THOC5: variants seen among roughly 807,000 people sequenced by gnomAD.
THOC5 encodes Fms-interacting protein.
A neutral mutation model predicts 92.9 loss-of-function variants in THOC5; 43 were observed. The observed-to-expected ratio is 0.46, with a 90% CI of 0.36 to 0.60. The LOEUF is 0.60. Among genes scored for constraint, THOC5 ranks in the 20% least tolerant of loss-of-function variants. The probability of loss-of-function intolerance (pLI) is 0.00; values close to 1 mark genes in which losing one functional copy is unlikely to be tolerated. For synonymous variants in THOC5, 296 were observed against 320.1 expected, an observed-to-expected ratio of 0.92 and a Z score of 0.80; for missense variants, 659 against 849.4, an observed-to-expected ratio of 0.78 and a Z score of 2.79.
Position 29,508,297 on chromosome 22 carries a change from C to A in THOC5, c.*160G>T. The A allele has an allele frequency of 1.4e-6, 1 of 715,716 alleles. No individual in the cohort carries two copies. 44.3% of individuals were successfully genotyped at this position (715,716 alleles called of 1,614,324 possible). Reference sequence around the variant, plus strand: ...CCTGCCCTTCCAGACTGCAAAGCCACCTTGCCAGGAACCACAGACAAAGGC... The same window carrying A: ...CCTGCCCTTCCAGACTGCAAAGCCAACTTGCCAGGAACCACAGACAAAGGC... On this transcript the variant is annotated 3_prime_UTR_variant, in exon 20 of 20. Coordinates refer to ENST00000490103, the MANE Select transcript of THOC5 (RefSeq NM_003678.5).
intron 2 of THOC5, among the ~76,000 whole-genome samples, chr22:29,546,493 G>A (rs1193620092): frequency 1.3e-5 from 2 of 151,806 alleles, no homozygotes; most frequent in African/African-American, 4.8e-5. Flanking sequence ...GCAGTGGCAT[G>A]ATCTCAGTTC....
At chr22:29,532,068 G>T in intron 7 of THOC5, 105 bp from the exon 8 acceptor site, 2 of 1,380,820 alleles carry the variant, frequency 1.4e-6, no homozygotes, top group Non-Finnish European at 2.0e-6. Flanking sequence ...AGTGATACAT[G>T]ATAAACTAAT....
At chr22:29,551,879 C>T (rs1392286441) in intron 1 of THOC5, among the ~76,000 whole-genome samples, 2 of 150,888 alleles carry the variant, frequency 1.3e-5, no homozygotes, top group African/African-American at 4.9e-5. Context: ...TCACTGGAAC[C>T]TCTCTGCCTG....
chr22:29,537,617 C>G (rs181121837), intron 6 of THOC5, among the ~76,000 whole-genome samples: 84 of 152,038 alleles, frequency 5.5e-4, no homozygotes, highest in Non-Finnish European at 9.6e-4. Context: ...ATTGGCCGGG[C>G]ACAGTGGCTC....
intron 17 of THOC5, among the ~76,000 whole-genome samples, chr22:29,514,867 G>A (rs1018418268): frequency 2.6e-5 from 4 of 151,280 alleles, no homozygotes; most frequent in South Asian, 2.1e-4. Context: ...CACCAACCCC[G>A]GCTAACTTTT....
intron 8 of THOC5, among the ~76,000 whole-genome samples, chr22:29,529,673 AC>A (rs1489147684): frequency 6.6e-6 from 1 of 152,246 alleles, no homozygotes; most frequent in Non-Finnish European, 1.5e-5. Flanking sequence ...TATACCAAGC[AC>A]ATGGCTGCCA....
chr22:29,528,960 T>C, intron 9 of THOC5: 2 of 587,380 alleles, frequency 3.4e-6, no homozygotes, highest in Non-Finnish European at 6.0e-6. Context: ...AGTCAGCTAG[T>C]GAGTGGCAGG....
At chr22:29,519,973 C>T (rs377266102) in intron 14 of THOC5, 35 bp downstream of exon 14, 2 of 1,561,872 alleles carry the variant, frequency 1.3e-6, no homozygotes, top group South Asian at 1.1e-5. Context: ...AAGAGGTAAG[C>T]TCCTCAGCCA....
At chr22:29,528,772 A>T (rs1056433897) in intron 9 of THOC5, among the ~76,000 whole-genome samples, 1 of 152,162 alleles carries the variant, frequency 6.6e-6, no homozygotes, top group Non-Finnish European at 1.5e-5. Flanking sequence ...ACAAATAATA[A>T]TAATAGTAGT....
At chr22:29,527,616 G>C (rs2063569434) in intron 11 of THOC5, among the ~76,000 whole-genome samples, 3 of 152,184 alleles carry the variant, frequency 2.0e-5, no homozygotes, top group Admixed American at 2.0e-4. Context: ...CCTAGGACTG[G>C]TATATAGGAA....
chr22:29,526,357 C>T (rs2146489562), intron 11 of THOC5, among the ~76,000 whole-genome samples: 1 of 151,974 alleles, frequency 6.6e-6, no homozygotes, highest in South Asian at 2.1e-4. Flanking sequence ...ACAGTGAAAC[C>T]CCGTCTCTAC....
Position 29,511,141 on chromosome 22 carries a change from T to C in THOC5, c.1953A>G (p.Glu651=), listed in dbSNP as rs1357378635. ...GCAGACACATCTTCTCCTGGGGAAA[T>C]TCCTTGGGCCCCTCCACACTGTCGT... The part of the protein sequence containing the change: ...SHDDSVEGPK[E]FPQEKMCLRL... Residue 651 remains glutamate, a synonymous_variant, in exon 19 of 20, where the codon GAA becomes GAG. Coordinates refer to ENST00000490103, the MANE Select transcript of THOC5 (RefSeq NM_003678.5). 1.2e-6 allele frequency: 2 copies of C among 1,614,006 alleles called. No individual in the cohort carries two copies. The highest frequency in any genetic ancestry group is 1.7e-6 in the Non-Finnish European group (2 of 1,180,024).
intron 1 of THOC5, among the ~76,000 whole-genome samples, chr22:29,549,447 T>C (rs528006654): frequency 2.0e-5 from 3 of 152,150 alleles, no homozygotes; most frequent in African/African-American, 7.2e-5. Flanking sequence ...ACACTCTCCA[T>C]AGAGGAGACC....
At chr22:29,520,175 C>T in intron 13 of THOC5, 71 bp from the exon 14 acceptor site, 1 of 1,307,094 alleles carries the variant, frequency 7.7e-7, no homozygotes, top group Non-Finnish European at 1.1e-6. Flanking sequence ...ACAGCCTCCT[C>T]CCACCCTCCC....
intron 17 of THOC5, among the ~76,000 whole-genome samples, chr22:29,516,081 T>C (rs1195739714): frequency 6.6e-6 from 1 of 150,654 alleles, no homozygotes; most frequent in East Asian, 2.0e-4. Flanking sequence ...AGTTCAAGAT[T>C]GCAGTGAGCT....
At chr22:29,522,798 C>T (rs920053112) in intron 12 of THOC5, among the ~76,000 whole-genome samples, 1 of 151,542 alleles carries the variant, frequency 6.6e-6, no homozygotes, top group African/African-American at 2.4e-5. Flanking sequence ...GTCAAGAGAT[C>T]GAGACCATCC....
intron 5 of THOC5, among the ~76,000 whole-genome samples, chr22:29,540,756 C>T (rs2063864227): frequency 6.6e-6 from 1 of 152,140 alleles, no homozygotes; most frequent in South Asian, 2.1e-4. Context: ...TACCCTTCAC[C>T]CAATGATACT....
Position 29,531,981 on chromosome 22 carries a change from A to ATTT in THOC5, c.715-21_715-19dup. 6.2e-7 allele frequency: 1 copy of ATTT among 1,612,110 alleles called. No homozygotes were observed. Among genetic ancestry groups the ATTT allele is most frequent in the South Asian group, 1.1e-5 (1 of 90,950 alleles). On this transcript the variant is annotated intron_variant, in intron 7 of 19. Transcript: ENST00000490103. ...AGGGAAGCCTGCACACAAGAGACAG[A>ATTT]TTTTTGTTCTTCCTTTTTTAGCCAG... is the stretch of plus-strand genomic sequence containing the variant.
In THOC5 at chr22:29,519,080, A is replaced by G; in HGVS notation, c.1415T>C (p.Met472Thr). 6.2e-7 allele frequency: 1 copy of G among 1,611,860 alleles called. No individual in the cohort carries two copies. Among genetic ancestry groups the G allele is most frequent in the Non-Finnish European group, 8.5e-7 (1 of 1,179,024 alleles). The change falls in exon 15 of 20, where the codon ATG becomes ACG. Residue 472 changes from methionine to threonine, a missense_variant. Coordinates refer to ENST00000490103, the MANE Select transcript of THOC5 (RefSeq NM_003678.5). ...IADHSLSASH[M>T]ETTMKLLKTR... ...CTTCAGAAGTTTCATGGTGGTCTCC[A>G]TGTGGCTGGCGCTCAGCGAGTGGTC...
Sources: gnomAD v4.1 joint callset for allele counts (sites outside exome capture counted in the v4.1 genomes callset) on GRCh38, gnomAD v4.1.1 for gene constraint, MANE v1.5 for transcripts, NCBI Gene and HGNC (gene_info 2026-07-23, HGNC 2026-07-21) for gene names.